Variants in CREBBP observed in about 807,000 individuals in gnomAD.
The protein encoded by CREBBP is CREB binding lysine acetyltransferase.
A neutral mutation model predicts 265.0 loss-of-function variants in CREBBP; 19 were observed. The ratio of observed to expected loss-of-function variants is 0.07; its 90% CI spans 0.05 to 0.11. The LOEUF is 0.11. Among genes scored for constraint, CREBBP ranks in the 10% least tolerant of loss-of-function variants. The pLI is 1.00. For synonymous variants in CREBBP, 1,457 were observed against 1,223.7 expected, an observed-to-expected ratio of 1.19 and a Z score of -3.98; for missense variants, 2,525 against 3,219.0, an observed-to-expected ratio of 0.78 and a Z score of 5.22.
intron 2 of CREBBP, among the ~76,000 whole-genome samples, chr16:3,830,364 T>A (rs1057359508): frequency 6.6e-6 from 1 of 151,884 alleles, no homozygotes; most frequent in African/African-American, 2.4e-5. Flanking sequence ...ACTGCGCCAC[T>A]GGACTGCAGC....
chr16:3,815,876 C>G (rs951568489), intron 2 of CREBBP, among the ~76,000 whole-genome samples: 1 of 151,390 alleles, frequency 6.6e-6, no homozygotes, highest in African/African-American at 2.4e-5. Flanking sequence ...GTTGTGCTAG[C>G]AAATACAAAG....
intron 16 of CREBBP, among the ~76,000 whole-genome samples, chr16:3,763,049 T>C (rs1381546078): frequency 6.6e-6 from 1 of 150,804 alleles, no homozygotes; most frequent in Non-Finnish European, 1.5e-5. Context: ...GCTGTGATTA[T>C]AGGGGTGAGC....
intron 1 of CREBBP, among the ~76,000 whole-genome samples, chr16:3,867,946 T>C (rs73503937): frequency 1.3e-5 from 2 of 151,598 alleles, no homozygotes; most frequent in Admixed American, 1.3e-4. Context: ...AAAATAAATT[T>C]AAAAAAATAG....
intron 2 of CREBBP, among the ~76,000 whole-genome samples, chr16:3,811,872 T>G (rs896406657): frequency 1.3e-5 from 2 of 152,166 alleles, no homozygotes; most frequent in Non-Finnish European, 2.9e-5. Flanking sequence ...ACATAAAACA[T>G]GAAATTTGTG....
chr16:3,789,031 T>A (rs577236728), intron 5 of CREBBP, among the ~76,000 whole-genome samples: 9 of 152,300 alleles, frequency 5.9e-5, no homozygotes, highest in Admixed American at 5.9e-4. Context: ...TCAAAGAACC[T>A]CAGATTAGCG....
intron 2 of CREBBP, chr16:3,813,097 C>T (rs2053968923): frequency 8.7e-6 from 2 of 230,316 alleles, no homozygotes; most frequent in Non-Finnish European, 8.6e-6. Context: ...ACACTCAACA[C>T]AACTGGCCCT....
intron 2 of CREBBP, among the ~76,000 whole-genome samples, chr16:3,849,371 T>TCTTGGC (rs931654765): frequency 7.4e-6 from 1 of 135,286 alleles, no homozygotes; most frequent in Non-Finnish European, 1.5e-5. Flanking sequence ...CTAGCAGAGC[T>TCTTGGC]CTTGGCCGTG....
chr16:3,825,452 G>A (rs760000795), intron 2 of CREBBP, among the ~76,000 whole-genome samples: 1 of 152,160 alleles, frequency 6.6e-6, no homozygotes, highest in Non-Finnish European at 1.5e-5. Context: ...GTATGGCCTT[G>A]GAATTGCAAT....
In CREBBP at chr16:3,770,997, T is replaced by A; in HGVS notation, c.2464-11A>T. The A allele has an allele frequency of 6.2e-7, 1 of 1,612,648 alleles. No individual in the cohort carries two copies. Among genetic ancestry groups the A allele is most frequent in the East Asian group, 2.2e-5 (1 of 44,866 alleles). On this transcript the variant is annotated splice_polypyrimidine_tract_variant and intron_variant, in intron 13 of 30. Coordinates refer to ENST00000262367, the MANE Select transcript of CREBBP (RefSeq NM_004380.3). ...ACCAGGCACCTGTCCCTACCAGAAATGGACAGAGTATGGTAAAATTATTTC... is the reference window on the plus strand; with the variant it reads ...ACCAGGCACCTGTCCCTACCAGAAAAGGACAGAGTATGGTAAAATTATTTC...
chr16:3,878,347 C>T (rs2055445990), intron 1 of CREBBP, among the ~76,000 whole-genome samples: 1 of 152,180 alleles, frequency 6.6e-6, no homozygotes, highest in South Asian at 2.1e-4. Context: ...ATAAGATTAA[C>T]GTCAAACTCA....
intron 11 of CREBBP, among the ~76,000 whole-genome samples, chr16:3,774,912 G>A (rs1024332141): frequency 6.6e-6 from 1 of 152,228 alleles, no homozygotes; most frequent in African/African-American, 2.4e-5. Context: ...GTGGCATGGT[G>A]AGGGGTACCA....
rs190877797 is a variant in CREBBP at position 3,867,617 on chromosome 16, T to C, written c.85+12215A>G. ...TTTACCGTTAAAAAAGAAGACTTAATTAATTAAAAGAAAGCCTGGGCCGAG... is the reference window on the plus strand; with the variant it reads ...TTTACCGTTAAAAAAGAAGACTTAACTAATTAAAAGAAAGCCTGGGCCGAG... On this transcript the variant is annotated intron_variant, in intron 1 of 30. Transcript: ENST00000262367. Among the ~76,000 whole-genome samples the C allele has an allele frequency of 3.8e-4, 57 of 151,970 alleles. No homozygotes were observed. The East Asian group carries it at 9.3e-3, about 25-fold the overall frequency.
At chr16:3,845,305 T>G (rs542119772) in intron 2 of CREBBP, among the ~76,000 whole-genome samples, 102 of 152,294 alleles carry the variant, frequency 6.7e-4, no homozygotes, top group Non-Finnish European at 1.2e-3. Flanking sequence ...GAGAAATAAC[T>G]AGTGAGGTCA....
intron 1 of CREBBP, among the ~76,000 whole-genome samples, chr16:3,860,029 C>T (rs2055041248): frequency 6.6e-6 from 1 of 152,070 alleles, no homozygotes; most frequent in Non-Finnish European, 1.5e-5. Flanking sequence ...GGGGCGGGGG[C>T]AGTCTTGAGG....
intron 1 of CREBBP, among the ~76,000 whole-genome samples, chr16:3,874,990 T>G (rs931064298): frequency 1.3e-5 from 2 of 152,188 alleles, no homozygotes; most frequent in Admixed American, 6.5e-5. Context: ...TTCCTAACTG[T>G]TTTCAAATAC....
chr16:3,768,136 GTTTTTTTTTTTTTTT>G lies in CREBBP; in HGVS notation c.3061-242_3061-228del, dbSNP rs71133655. The stretch of plus-strand genomic sequence containing the variant: ...CAATTATGGTCCTAAATTTAAAAGT[GTTTTTTTTTTTTTTT>G]TTTTTTTTTTTTTTTTTTGAGACAG... On this transcript the variant is annotated intron_variant, in intron 15 of 30. Transcript: ENST00000262367. Among the ~76,000 whole-genome samples the G allele has an allele frequency of 5.5e-3, 286 of 51,624 alleles. 2 individuals are homozygous for G. The highest frequency in any genetic ancestry group is 0.013 in the South Asian group (13 of 984). The allele number at this position is 51,624 out of a possible 152,430, so 33.9% of individuals were successfully genotyped here.
intron 10 of CREBBP, 166 bp from the exon 11 acceptor site, chr16:3,777,823 C>T: frequency 9.3e-7 from 1 of 1,075,108 alleles, no homozygotes; most frequent in African/African-American, 1.6e-5. Context: ...TGTAAAGGGC[C>T]TTCCCAAGAG....
intron 2 of CREBBP, among the ~76,000 whole-genome samples, chr16:3,813,318 AC>A (rs1338481186): frequency 6.6e-6 from 1 of 152,212 alleles, no homozygotes; most frequent in Non-Finnish European, 1.5e-5. Context: ...CTGCAAGTCC[AC>A]AAACCAGACT....
intron 2 of CREBBP, among the ~76,000 whole-genome samples, chr16:3,824,766 G>A (rs1367876982): frequency 6.6e-6 from 1 of 152,172 alleles, no homozygotes; most frequent in Non-Finnish European, 1.5e-5. Flanking sequence ...CCGTTCTACT[G>A]TAACTCTCTA....
Sources: allele counts gnomAD v4.1 joint callset (sites outside exome capture counted in the v4.1 genomes callset), GRCh38; gene constraint gnomAD v4.1.1; transcripts MANE v1.5; gene names NCBI Gene and HGNC (gene_info 2026-07-23, HGNC 2026-07-21).